Variants in ATP13A3 observed in about 807,000 individuals in gnomAD.
The protein encoded by ATP13A3 is ATPase 13A3, also known as polyamine-transporting ATPase 13A3.
Under a neutral mutation model 158.1 loss-of-function variants are expected in ATP13A3, and 59 were observed. That is an observed-to-expected ratio of 0.37 (90% CI 0.30 to 0.46). The LOEUF (loss-of-function observed/expected upper bound fraction) is 0.46, where lower values mean the gene tolerates loss of function less well. ATP13A3 is among the 20% of genes least tolerant of loss of function. ATP13A3 has a pLI of 1.00. For synonymous variants in ATP13A3, 491 were observed against 504.3 expected (o/e 0.97, Z 0.35); for missense variants, 1,166 against 1,525.2 (o/e 0.76, Z 3.92).
chr3:194,465,482 G>T (rs1719934241), intron 2 of ATP13A3, among the ~76,000 whole-genome samples: 1 of 152,048 alleles, frequency 6.6e-6, no homozygotes, highest in African/African-American at 2.4e-5. Flanking sequence ...AAACCACCAG[G>T]GCTCACAAAA....
intron 33 of ATP13A3, 129 bp downstream of exon 33, chr3:194,412,070 C>G: frequency 1.5e-6 from 1 of 669,820 alleles, no homozygotes; most frequent in South Asian, 2.5e-5. Flanking sequence ...GCTGAAGGAA[C>G]ACGTAATAGA....
intron 2 of ATP13A3, among the ~76,000 whole-genome samples, chr3:194,462,758 G>A (rs1196722852): frequency 3.3e-5 from 5 of 152,152 alleles, no homozygotes; most frequent in Non-Finnish European, 7.4e-5. Flanking sequence ...TGACCCTTAA[G>A]TAGTTTCTAA....
intron 2 of ATP13A3, among the ~76,000 whole-genome samples, chr3:194,465,021 G>A (rs571659857): frequency 6.6e-4 from 101 of 152,062 alleles, no homozygotes; most frequent in Non-Finnish European, 1.4e-3. Flanking sequence ...GGAGACTTCT[G>A]CTTCCAACCA....
intron 2 of ATP13A3, among the ~76,000 whole-genome samples, chr3:194,492,298 T>TATGAGGAA (rs1721155887): frequency 6.6e-6 from 1 of 152,158 alleles, no homozygotes; most frequent in East Asian, 1.9e-4. Context: ...CTGACTAACT[T>TATGAGGAA]ATAAGTTCAA....
intron 13 of ATP13A3, among the ~76,000 whole-genome samples, chr3:194,447,632 G>A (rs1718495378): frequency 1.3e-5 from 2 of 151,416 alleles, no homozygotes; most frequent in Non-Finnish European, 2.9e-5. Context: ...TAAACCAGAG[G>A]CACCCAAAAG....
At chr3:194,417,977 AAGGAAGGAAGGG>A (rs1434279971) in intron 31 of ATP13A3, among the ~76,000 whole-genome samples, 9 of 122,922 alleles carry the variant, frequency 7.3e-5, no homozygotes, top group Non-Finnish European at 1.4e-4. Context: ...GGAAGGAAGG[AAGGAAGGAAGGG>A]AGGGAGGGAG....
chr3:194,420,008 T>C (rs765810958), intron 30 of ATP13A3, 41 bp from the exon 31 acceptor site: 1 of 1,472,900 alleles, frequency 6.8e-7, no homozygotes, highest in Non-Finnish European at 8.9e-7. Flanking sequence ...AATTAGGAAA[T>C]TCCTTTATAT....
chr3:194,493,300 G>T (rs1335722897), intron 2 of ATP13A3, among the ~76,000 whole-genome samples: 1 of 152,070 alleles, frequency 6.6e-6, no homozygotes, highest in Non-Finnish European at 1.5e-5. Flanking sequence ...CTGAATGAAT[G>T]AATTTACGAT....
chr3:194,447,262 T>C, intron 13 of ATP13A3, 147 bp from the exon 14 acceptor site: 1 of 638,906 alleles, frequency 1.6e-6, no homozygotes, highest in Non-Finnish European at 2.6e-6. Context: ...CTATTAACCA[T>C]ATATAATTTT....
chr3:194,427,018 A>G (rs1373595242), intron 29 of ATP13A3, 57 bp downstream of exon 29: 7 of 1,532,912 alleles, frequency 4.6e-6, no homozygotes, highest in Non-Finnish European at 6.2e-6. Flanking sequence ...ACTCATTTTT[A>G]TATCATATAT....
At position 194,458,836 on chromosome 3, in the gene ATP13A3, T is replaced by C. The variant is rs142563174; in HGVS notation, c.479+635A>G. 6.1e-4 allele frequency among the ~76,000 whole-genome samples: 93 copies of C among 152,282 alleles called. No individual in the cohort carries two copies. In the East Asian group the frequency reaches 9.2e-3, roughly 15 times the overall value. ...TGAATATTTTATTTTTTACTTCCAA[T>C]AGAAACCTACAGGTATGAATATTTT... On this transcript the variant is annotated intron_variant, in intron 6 of 33. Transcript: ENST00000645319.
In ATP13A3 at chr3:194,453,702, T is replaced by C; in HGVS notation, c.838+4A>G. 6.2e-7 allele frequency: 1 copy of C among 1,607,620 alleles called. No individual in the cohort carries two copies. Among genetic ancestry groups the C allele is most frequent in the Non-Finnish European group, 8.5e-7 (1 of 1,174,336 alleles). On this transcript the variant is annotated splice_donor_region_variant and intron_variant, in intron 10 of 33. Transcript: ENST00000645319. ...ATTTATTCTTCCAACATTCAATTAC[T>C]TACCTTCATTTACTCTACAAACTGA... is the stretch of plus-strand genomic sequence containing the variant.
chr3:194,419,805 A>G lies in ATP13A3; in HGVS notation c.3402+74T>C, dbSNP rs541559471. 50 of 1,513,594 alleles carry G rather than the reference A, an allele frequency of 3.3e-5. No homozygotes were observed. In the Middle Eastern group the frequency reaches 5.2e-4, roughly 16 times the overall value. 93.8% of individuals were successfully genotyped at this position (1,513,594 alleles called of 1,614,324 possible). A position where few individuals can be genotyped will look rare whatever the true frequency, so the allele number is the denominator to read the frequency against. On this transcript the variant is annotated intron_variant, in intron 31 of 33. Transcript: ENST00000645319. The stretch of plus-strand genomic sequence containing the variant: ...ACAGCATCTTAGAATACACAAAAAG[A>G]AGAGATCCTGGAAAAAAAGAAATGT...
intron 20 of ATP13A3, among the ~76,000 whole-genome samples, chr3:194,434,344 T>C (rs556388938): frequency 6.6e-6 from 1 of 152,222 alleles, no homozygotes; most frequent in South Asian, 2.1e-4. Flanking sequence ...ACAAGAACCA[T>C]TAGCAATCCA....
chr3:194,482,282 A>G (rs867165848), intron 2 of ATP13A3, among the ~76,000 whole-genome samples: 41 of 152,314 alleles, frequency 2.7e-4, no homozygotes, highest in Admixed American at 1.2e-3. Flanking sequence ...GTTTTAAGAC[A>G]AAGTCTTGCT....
chr3:194,437,597 A>C (rs1717748677), intron 17 of ATP13A3, 24 bp from the exon 18 acceptor site: 4 of 1,585,022 alleles, frequency 2.5e-6, no homozygotes, highest in Non-Finnish European at 2.6e-6. Flanking sequence ...AAAACAAGAA[A>C]AAATAGTACA....
chr3:194,434,281 T>C (rs535183464), intron 20 of ATP13A3, among the ~76,000 whole-genome samples: 30 of 152,382 alleles, frequency 2.0e-4, no homozygotes, highest in Middle Eastern at 3.4e-3. Context: ...GTGGATTCAT[T>C]ATCAAGTCTC....
chr3:194,422,053 C>T (rs1716429020), intron 30 of ATP13A3, among the ~76,000 whole-genome samples: 1 of 151,836 alleles, frequency 6.6e-6, no homozygotes, highest in Admixed American at 6.6e-5. Flanking sequence ...CTCTTGGATC[C>T]CACCTCTAAA....
At chr3:194,415,950 G>A (rs962976579) in intron 31 of ATP13A3, among the ~76,000 whole-genome samples, 1 of 152,024 alleles carries the variant, frequency 6.6e-6, no homozygotes, top group African/African-American at 2.4e-5. Context: ...TAACATACAA[G>A]AAAAGAAAAT....
Sources: allele counts gnomAD v4.1 joint callset (sites outside exome capture counted in the v4.1 genomes callset), GRCh38; gene constraint gnomAD v4.1.1; transcripts MANE v1.5; gene names NCBI Gene and HGNC (gene_info 2026-07-23, HGNC 2026-07-21).